ROBO1: variants seen among roughly 807,000 people sequenced by gnomAD.
ROBO1 encodes roundabout homolog 1.
A neutral mutation model predicts 195.9 loss-of-function variants in ROBO1; 149 were observed. That is an observed-to-expected ratio of 0.76 (90% CI 0.67 to 0.87). The LOEUF is 0.87. Ranked by LOEUF, ROBO1 falls within the 40% of genes least tolerant of loss-of-function variation. The pLI is 0.00. For missense variants in ROBO1, 1,933 were observed against 2,068.3 expected (o/e 0.93, Z 1.27); for synonymous variants, 816 against 733.2 (o/e 1.11, Z -1.82).
At chr3:79,263,387 G>A (rs1393796641) in intron 2 of ROBO1, among the ~76,000 whole-genome samples, 1 of 152,040 alleles carries the variant, frequency 6.6e-6, no homozygotes, top group African/African-American at 2.4e-5. Context: ...CATGGCTCAT[G>A]CCTATAATCC....
At chr3:79,330,822 C>A (rs1265681267) in intron 2 of ROBO1, among the ~76,000 whole-genome samples, 1 of 151,844 alleles carries the variant, frequency 6.6e-6, no homozygotes, top group Non-Finnish European at 1.5e-5. Flanking sequence ...GCTTCTATTT[C>A]TTTCTCTCAC....
intron 3 of ROBO1, among the ~76,000 whole-genome samples, chr3:79,063,206 T>C (rs1170674291): frequency 6.6e-6 from 1 of 151,850 alleles, no homozygotes; most frequent in Non-Finnish European, 1.5e-5. Flanking sequence ...GTAAGCCATA[T>C]TTGCCCCTTG....
chr3:79,564,305 G>A (rs1943021223), intron 2 of ROBO1, among the ~76,000 whole-genome samples: 1 of 152,044 alleles, frequency 6.6e-6, no homozygotes. Flanking sequence ...GTTTAGCACA[G>A]GGCCAGTGGA....
chr3:79,295,570 C>G (rs914342230), intron 2 of ROBO1, among the ~76,000 whole-genome samples: 2 of 152,038 alleles, frequency 1.3e-5, no homozygotes, highest in African/African-American at 4.8e-5. Context: ...ACATTCTGCA[C>G]ACGTATCCCT....
intron 8 of ROBO1, among the ~76,000 whole-genome samples, chr3:78,701,439 T>A (rs1559761763): frequency 6.6e-6 from 1 of 152,186 alleles, no homozygotes. Flanking sequence ...TCAAAGGCAG[T>A]GTGAAAGGAA....
chr3:79,009,827 A>C (rs1193243772), intron 3 of ROBO1, among the ~76,000 whole-genome samples: 1 of 152,230 alleles, frequency 6.6e-6, no homozygotes, highest in Admixed American at 6.5e-5. Context: ...CAAAATCAAA[A>C]AATGAAAATG....
intron 2 of ROBO1, among the ~76,000 whole-genome samples, chr3:79,580,318 A>C (rs1943619292): frequency 6.6e-6 from 1 of 151,896 alleles, no homozygotes; most frequent in South Asian, 2.1e-4. Context: ...CTAAAAACAA[A>C]AAAAAATTAG....
chr3:78,947,876 C>T (rs1028895949), intron 3 of ROBO1, among the ~76,000 whole-genome samples: 11 of 152,162 alleles, frequency 7.2e-5, no homozygotes, highest in African/African-American at 2.7e-4. Context: ...AAACTACCAT[C>T]AGAGAATACT....
chr3:78,968,244 T>C (rs528617152), intron 3 of ROBO1, among the ~76,000 whole-genome samples: 5 of 151,344 alleles, frequency 3.3e-5, no homozygotes, highest in Non-Finnish European at 7.4e-5. Flanking sequence ...ATGGAAAACA[T>C]GTCACTTTAT....
At chr3:79,050,724 G>A (rs2078680369) in intron 3 of ROBO1, among the ~76,000 whole-genome samples, 1 of 152,120 alleles carries the variant, frequency 6.6e-6, no homozygotes, top group Admixed American at 6.6e-5. Flanking sequence ...AGACCACAGT[G>A]CAATCAAATT....
At chr3:79,430,137 T>G (rs2038616325) in intron 2 of ROBO1, among the ~76,000 whole-genome samples, 1 of 152,024 alleles carries the variant, frequency 6.6e-6, no homozygotes, top group Non-Finnish European at 1.5e-5. Context: ...AAATAAAAAT[T>G]AAAGACTTTA....
At chr3:78,598,995 A>T (rs1703005999) in intron 30 of ROBO1, 68 bp from the exon 31 acceptor site, 2 of 896,164 alleles carry the variant, frequency 2.2e-6, no homozygotes, top group Middle Eastern at 3.6e-4. Flanking sequence ...ATTTATTTAT[A>T]TGCATTTATT....
chr3:79,511,134 A>G (rs1292728383), intron 2 of ROBO1, among the ~76,000 whole-genome samples: 2 of 152,148 alleles, frequency 1.3e-5, no homozygotes, highest in African/African-American at 4.8e-5. Context: ...AGCAGAGGTA[A>G]AAGAAGAGTA....
chr3:78,791,786 A>G (rs1191004227), intron 4 of ROBO1, among the ~76,000 whole-genome samples: 1 of 152,232 alleles, frequency 6.6e-6, no homozygotes, highest in Non-Finnish European at 1.5e-5. Flanking sequence ...TCAGAAATGC[A>G]TGCATAAAAG....
At chr3:79,009,907 C>T (rs1335968663) in intron 3 of ROBO1, among the ~76,000 whole-genome samples, 1 of 152,186 alleles carries the variant, frequency 6.6e-6, no homozygotes, top group Non-Finnish European at 1.5e-5. Flanking sequence ...ATTCTACTCA[C>T]ACAGTTGAGC....
Position 78,830,909 on chromosome 3 carries a change from TTTTG to T in ROBO1, c.500-84013_500-84010del, listed in dbSNP as rs550642119. ...TTTGTGTTTTTTGTTTGTTTGTTTG[TTTTG>T]TTTTTGTTTTTGTTTTTGAGATGGA... On this transcript the variant is annotated intron_variant, in intron 4 of 30. Coordinates refer to ENST00000464233, the MANE Select transcript of ROBO1 (RefSeq NM_002941.4). Among the ~76,000 whole-genome samples, 925 of 148,956 alleles carry T rather than the reference TTTTG, an allele frequency of 6.2e-3. 11 individuals are homozygous for T. The highest frequency in any genetic ancestry group is 7.5e-3 in the Non-Finnish European group (498 of 66,208).
rs541572999 is a variant in ROBO1 at position 79,006,370 on chromosome 3, G to A, written c.173-67443C>T. On this transcript the variant is annotated intron_variant, in intron 3 of 30. Transcript: ENST00000464233. ...CAGAAAAATGAAAAGGTAAAACACAGAAGATAACAAAAAGTAAGGAGATAC... is the reference window on the plus strand; with the variant it reads ...CAGAAAAATGAAAAGGTAAAACACAAAAGATAACAAAAAGTAAGGAGATAC... 1.5e-4 allele frequency among the ~76,000 whole-genome samples: 23 copies of A among 152,218 alleles called. No homozygotes were observed. In the South Asian group the frequency reaches 4.3e-3, roughly 29 times the overall value.
chr3:79,381,337 C>T (rs1221541853), intron 2 of ROBO1, among the ~76,000 whole-genome samples: 1 of 105,362 alleles, frequency 9.5e-6, no homozygotes, highest in Non-Finnish European at 1.7e-5. Context: ...AGCCTGGAGA[C>T]AGAGTGAAAC....
At chr3:78,678,659 G>C (rs1257306342) in intron 10 of ROBO1, among the ~76,000 whole-genome samples, 1 of 152,086 alleles carries the variant, frequency 6.6e-6, no homozygotes, top group Non-Finnish European at 1.5e-5. Context: ...CCAATAACAG[G>C]ATCTGAAATT....
Sources: allele counts gnomAD v4.1 joint callset (sites outside exome capture counted in the v4.1 genomes callset), GRCh38; gene constraint gnomAD v4.1.1; transcripts MANE v1.5; gene names NCBI Gene and HGNC (gene_info 2026-07-23, HGNC 2026-07-21).